The following DAAM1 variants were observed in gnomAD, a reference collection of about 807,000 sequenced individuals.
DAAM1 encodes dishevelled associated activator of morphogenesis 1, also known as disheveled-associated activator of morphogenesis 1.
A neutral mutation model predicts 130.0 loss-of-function variants in DAAM1; 52 were observed. The ratio of observed to expected loss-of-function variants is 0.40; its 90% confidence interval spans 0.32 to 0.50. The LOEUF (loss-of-function observed/expected upper bound fraction) is 0.50, where lower values mean the gene tolerates loss of function less well. Among genes scored for constraint, DAAM1 ranks in the 20% least tolerant of loss-of-function variants. The pLI is 0.61. For missense variants in DAAM1, 1,134 were observed against 1,303.8 expected (o/e 0.87, Z 2.01); for synonymous variants, 452 against 444.5 (o/e 1.02, Z -0.21).
intron 1 of DAAM1, among the ~76,000 whole-genome samples, chr14:59,204,960 C>A (rs867894713): frequency 1.3e-5 from 2 of 152,302 alleles, no homozygotes; most frequent in Middle Eastern, 3.4e-3. Context: ...CTAAAATGAT[C>A]CCCCCATCAG....
intron 18 of DAAM1, among the ~76,000 whole-genome samples, chr14:59,353,130 C>G (rs1373084087): frequency 6.6e-6 from 1 of 152,204 alleles, no homozygotes; most frequent in African/African-American, 2.4e-5. Context: ...GCACTCTTCC[C>G]ACGGAGCCTT....
intron 3 of DAAM1, among the ~76,000 whole-genome samples, chr14:59,306,050 A>T (rs1274104195): frequency 6.7e-6 from 1 of 150,160 alleles, no homozygotes; most frequent in Non-Finnish European, 1.5e-5. Flanking sequence ...GCTTAGTTAA[A>T]AGGCAGGAGA....
At chr14:59,343,947 G>T (rs1334215372) in intron 16 of DAAM1, among the ~76,000 whole-genome samples, 1 of 152,232 alleles carries the variant, frequency 6.6e-6, no homozygotes, top group Non-Finnish European at 1.5e-5. Context: ...CAGGTCCTCA[G>T]GGAATAAGCA....
At chr14:59,354,820 C>T (rs1001284888) in intron 19 of DAAM1, among the ~76,000 whole-genome samples, 4 of 152,184 alleles carry the variant, frequency 2.6e-5, no homozygotes, top group African/African-American at 9.7e-5. Context: ...ACCTGACTCA[C>T]ACCAGACAAG....
In DAAM1 at chr14:59,297,242, A is replaced by G. The variant is rs1883989222; in HGVS notation, c.273+5936A>G. ...CACATTGCATCACTGGTTCTTATTC[A>G]TGGATGCCCTTGTTATACTGGTTGA... On this transcript the variant is annotated intron_variant, in intron 3 of 24. Transcript: ENST00000360909. Among the ~76,000 whole-genome samples, 10 of 152,166 alleles carry G rather than the reference A, an allele frequency of 6.6e-5. No individual in the cohort carries two copies. The South Asian group carries it at 2.1e-3, about 32-fold the overall frequency.
intron 1 of DAAM1, among the ~76,000 whole-genome samples, chr14:59,257,738 C>A (rs72726349): frequency 0.019 from 2,908 of 152,284 alleles, 49 homozygotes; most frequent in Non-Finnish European, 0.029. Context: ...CTCTTCCTTC[C>A]TAGCACCCCC....
chr14:59,207,475 T>C (rs1336021756), intron 1 of DAAM1, among the ~76,000 whole-genome samples: 1 of 152,222 alleles, frequency 6.6e-6, no homozygotes, highest in Admixed American at 6.5e-5. Context: ...ATATTTATCA[T>C]GTTAGAAATT....
At chr14:59,262,678 G>GTGTGTGTT (rs1476080095) in intron 1 of DAAM1, among the ~76,000 whole-genome samples, 14 of 151,498 alleles carry the variant, frequency 9.2e-5, no homozygotes, top group Non-Finnish European at 1.8e-4. Context: ...GTGTGTGTGT[G>GTGTGTGTT]TGTGTGTGTG....
Position 59,281,389 on chromosome 14 carries a change from C to T in DAAM1, c.184-9828C>T, listed in dbSNP as rs1175714116. ...TGAAGTGGCGTATTTAAAGGCAGGACGCTTTGTGCCCCTTCCCCAAGCTAG... is the reference window on the plus strand; with the variant it reads ...TGAAGTGGCGTATTTAAAGGCAGGATGCTTTGTGCCCCTTCCCCAAGCTAG... On this transcript the variant is annotated intron_variant, in intron 2 of 24. Transcript: ENST00000360909. Among the ~76,000 whole-genome samples, 14 of 152,172 alleles carry T rather than the reference C, an allele frequency of 9.2e-5. 1 individual carries two copies. Among genetic ancestry groups the T allele is most frequent in the East Asian group, 3.8e-4 (2 of 5,198 alleles).
At chr14:59,324,032 A>G (rs1012002921) in intron 6 of DAAM1, 96 bp from the exon 7 acceptor site, 5 of 410,624 alleles carry the variant, frequency 1.2e-5, no homozygotes, top group South Asian at 9.6e-5. Context: ...ACTCCGTCTG[A>G]AAAAAAAAAA....
chr14:59,324,095 C>T (rs6573250), intron 6 of DAAM1, 33 bp from the exon 7 acceptor site: 586,384 of 1,279,536 alleles, frequency 0.46, 138,466 homozygotes, highest in African/African-American at 0.72. Context: ...AGGTTAGTAA[C>T]GTTTCAGTCC....
At chr14:59,251,261 A>G (rs1881627936) in intron 1 of DAAM1, among the ~76,000 whole-genome samples, 1 of 152,220 alleles carries the variant, frequency 6.6e-6, no homozygotes, top group Non-Finnish European at 1.5e-5. Context: ...ATTCTTAGAT[A>G]TGCAATCTAG....
At position 59,363,716 on chromosome 14, in the gene DAAM1, G is replaced by A. The variant is rs2139688423; in HGVS notation, c.2760G>A (p.Gln920=). ...PGDKFVSVVS[Q]FITVASFSFS... is the part of the protein sequence containing the mutation. ...ATAAGTTTGTGTCTGTTGTCAGCCAGTTCATCACAGTAGCCAGCTTCAGCT... is the reference window on the plus strand; with the variant it reads ...ATAAGTTTGTGTCTGTTGTCAGCCAATTCATCACAGTAGCCAGCTTCAGCT... Residue 920 remains glutamine, a synonymous_variant, in exon 23 of 25, where the codon CAG becomes CAA. Coordinates refer to ENST00000360909, the MANE Select transcript of DAAM1 (RefSeq NM_001270520.2). The A allele has an allele frequency of 3.1e-6, 5 of 1,614,172 alleles. No homozygotes were observed. The highest frequency in any genetic ancestry group is 2.2e-5 in the East Asian group (1 of 44,884).
In DAAM1 at chr14:59,323,120, G is replaced by C. The variant is rs767573792; in HGVS notation, c.669G>C (p.Val223=). 1.9e-6 allele frequency: 3 copies of C among 1,613,630 alleles called. No homozygotes were observed. Among genetic ancestry groups the C allele is most frequent in the Non-Finnish European group, 1.7e-6 (2 of 1,179,784 alleles). The change falls in exon 6 of 25, where the codon GTG becomes GTC. Residue 223 remains valine (V), a synonymous_variant. Coordinates refer to ENST00000360909, the MANE Select transcript of DAAM1 (RefSeq NM_001270520.2). ...STENIKTKVA[V]LEILGAVCLV... is the part of the protein sequence containing the mutation. Reference sequence around the variant, plus strand: ...AGAACATTAAAACGAAGGTGGCCGTGCTGGAAATCTTGGGCGCCGTGTGCC... The same window carrying C: ...AGAACATTAAAACGAAGGTGGCCGTCCTGGAAATCTTGGGCGCCGTGTGCC...
chr14:59,195,864 T>C (rs1335515393), intron 1 of DAAM1, among the ~76,000 whole-genome samples: 4 of 151,718 alleles, frequency 2.6e-5, no homozygotes, highest in Non-Finnish European at 5.9e-5. Flanking sequence ...CCTGTAATTC[T>C]AGTCAGATTT....
At chr14:59,277,763 G>A (rs912309234) in intron 2 of DAAM1, among the ~76,000 whole-genome samples, 1 of 152,098 alleles carries the variant, frequency 6.6e-6, no homozygotes, top group Non-Finnish European at 1.5e-5. Flanking sequence ...AGTCTAAGAT[G>A]TAGTAAGATT....
At chr14:59,255,100 A>G (rs921604391) in intron 1 of DAAM1, among the ~76,000 whole-genome samples, 2 of 152,190 alleles carry the variant, frequency 1.3e-5, no homozygotes, top group African/African-American at 2.4e-5. Flanking sequence ...GAACATTTGC[A>G]TATTGGTTTC....
chr14:59,216,795 G>A (rs1888595140), intron 1 of DAAM1, among the ~76,000 whole-genome samples: 1 of 152,010 alleles, frequency 6.6e-6, no homozygotes, highest in South Asian at 2.1e-4. Context: ...AACACTTGAT[G>A]TGTTTCCTGT....
intron 1 of DAAM1, 30 bp from the exon 2 acceptor site, chr14:59,263,411 T>C: frequency 5.0e-6 from 8 of 1,590,468 alleles, no homozygotes; most frequent in Non-Finnish European, 6.9e-6. Context: ...GTTCCTGTAC[T>C]CTTAACCATG....
Sources: gnomAD v4.1 joint callset for allele counts (sites outside exome capture counted in the v4.1 genomes callset) on GRCh38, gnomAD v4.1.1 for gene constraint, MANE v1.5 for transcripts, NCBI Gene and HGNC (gene_info 2026-07-23, HGNC 2026-07-21) for gene names.